NECAB1: variants seen among roughly 807,000 people sequenced by gnomAD.
NECAB1 encodes the protein N-terminal EF-hand calcium-binding protein 1.
A neutral mutation model predicts 57.5 loss-of-function variants in NECAB1; 29 were observed. That is an observed-to-expected ratio of 0.50 (90% CI 0.38 to 0.69). NECAB1 has a LOEUF of 0.69. Among genes scored for constraint, NECAB1 ranks in the 30% least tolerant of loss-of-function variants. The pLI, the probability that NECAB1 is intolerant of heterozygous loss-of-function variation, is 0.00. For synonymous variants in NECAB1, 142 were observed against 147.7 expected, an observed-to-expected ratio of 0.96 and a Z score of 0.28; for missense variants, 372 against 413.8, an observed-to-expected ratio of 0.90 and a Z score of 0.88.
chr8:90,949,927 T>G lies in NECAB1; in HGVS notation c.938+43T>G, dbSNP rs770909500. On this transcript the variant is annotated intron_variant, in intron 11 of 12. Coordinates refer to ENST00000417640, the MANE Select transcript of NECAB1 (RefSeq NM_022351.5). Reference sequence around the variant, plus strand: ...CTGATTTTATGTGAAGCCAGGAAGGTGGCAATATGCATGATGTAATTTTAG... The same window carrying G: ...CTGATTTTATGTGAAGCCAGGAAGGGGGCAATATGCATGATGTAATTTTAG... 21 of 1,189,604 alleles carry G rather than the reference T, an allele frequency of 1.8e-5. No homozygotes were observed. In the South Asian group the frequency reaches 2.3e-4, roughly 13 times the overall value. 73.7% of individuals were successfully genotyped at this position (1,189,604 alleles called of 1,614,324 possible). A position where few individuals can be genotyped will look rare whatever the true frequency, so the allele number is the denominator to read the frequency against.
chr8:90,804,320 G>T (rs984333934), intron 2 of NECAB1, among the ~76,000 whole-genome samples: 1 of 151,412 alleles, frequency 6.6e-6, no homozygotes, highest in Non-Finnish European at 1.5e-5. Context: ...TAAAACAATC[G>T]AACTCATAGA....
intron 6 of NECAB1, among the ~76,000 whole-genome samples, chr8:90,921,266 C>T (rs1030305193): frequency 2.0e-5 from 3 of 152,162 alleles, no homozygotes; most frequent in Non-Finnish European, 2.9e-5. Flanking sequence ...ATCTACCCAC[C>T]TCAGCCTCCA....
chr8:90,907,187 AG>A (rs1368343478), intron 5 of NECAB1, among the ~76,000 whole-genome samples: 61 of 137,140 alleles, frequency 4.4e-4, no homozygotes, highest in African/African-American at 1.8e-3. Flanking sequence ...AGAGAGAGAG[AG>A]AATTAGTAGA....
intron 12 of NECAB1, among the ~76,000 whole-genome samples, chr8:90,954,928 GTAT>G (rs1181717736): frequency 6.8e-6 from 1 of 146,412 alleles, no homozygotes; most frequent in Admixed American, 6.9e-5. Context: ...AAATGCATAT[GTAT>G]TATATGTATA....
At chr8:90,946,437 G>A (rs190785374) in intron 10 of NECAB1, among the ~76,000 whole-genome samples, 37 of 152,276 alleles carry the variant, frequency 2.4e-4, no homozygotes, top group Non-Finnish European at 4.1e-4. Context: ...TGTAAACAAT[G>A]GAGAAATAAA....
chr8:90,813,419 A>G (rs1307531252), intron 2 of NECAB1, among the ~76,000 whole-genome samples: 1 of 152,080 alleles, frequency 6.6e-6, no homozygotes, highest in Non-Finnish European at 1.5e-5. Context: ...TCAATATCTA[A>G]TATGAATAAG....
chr8:90,862,858 A>G (rs1808427259), intron 3 of NECAB1, among the ~76,000 whole-genome samples: 1 of 152,052 alleles, frequency 6.6e-6, no homozygotes, highest in Non-Finnish European at 1.5e-5. Flanking sequence ...ATACCAGAAA[A>G]CTCGCTATGA....
At chr8:90,954,621 G>T (rs1184794562) in intron 12 of NECAB1, among the ~76,000 whole-genome samples, 1 of 151,768 alleles carries the variant, frequency 6.6e-6, no homozygotes, top group African/African-American at 2.4e-5. Context: ...TTTGCCATTG[G>T]TTTGTTTTCA....
chr8:90,878,965 A>G (rs904683752), intron 4 of NECAB1, among the ~76,000 whole-genome samples: 2 of 141,302 alleles, frequency 1.4e-5, no homozygotes, highest in African/African-American at 5.5e-5. Context: ...CTAACTAATC[A>G]CTGTCTCTCT....
At chr8:90,899,128 A>AGACTG (rs1199102719) in intron 5 of NECAB1, among the ~76,000 whole-genome samples, 2 of 152,224 alleles carry the variant, frequency 1.3e-5, no homozygotes, top group African/African-American at 4.8e-5. Context: ...CCGAGGGCAA[A>AGACTG]GACTGCTCAT....
chr8:90,898,000 A>C (rs529734468), intron 5 of NECAB1, among the ~76,000 whole-genome samples: 1 of 152,326 alleles, frequency 6.6e-6, no homozygotes, highest in African/African-American at 2.4e-5. Flanking sequence ...TCATCTCTTT[A>C]TAAGCTTTTT....
intron 2 of NECAB1, among the ~76,000 whole-genome samples, chr8:90,803,844 C>T (rs1811802589): frequency 6.6e-6 from 1 of 152,208 alleles, no homozygotes; most frequent in African/African-American, 2.4e-5. Flanking sequence ...CACCCTCAGT[C>T]AGCTTGAGAA....
chr8:90,951,822 G>A (rs1810929206), intron 12 of NECAB1, among the ~76,000 whole-genome samples: 1 of 151,950 alleles, frequency 6.6e-6, no homozygotes, highest in Non-Finnish European at 1.5e-5. Flanking sequence ...GATAATATGT[G>A]TTTTGTGGAC....
At chr8:90,804,653 A>G (rs1262566805) in intron 2 of NECAB1, among the ~76,000 whole-genome samples, 1 of 152,208 alleles carries the variant, frequency 6.6e-6, no homozygotes, top group African/African-American at 2.4e-5. Flanking sequence ...TCAATTTATG[A>G]TAACAATTAA....
intron 1 of NECAB1, among the ~76,000 whole-genome samples, chr8:90,796,190 T>A (rs1278574957): frequency 6.6e-6 from 1 of 152,188 alleles, no homozygotes; most frequent in Non-Finnish European, 1.5e-5. Context: ...TAAAACTACC[T>A]GCTGGAAGTC....
intron 4 of NECAB1, among the ~76,000 whole-genome samples, chr8:90,879,324 G>GA (rs1196662382): frequency 2.0e-5 from 3 of 150,900 alleles, no homozygotes; most frequent in African/African-American, 7.3e-5. Context: ...AAGTAGCTGG[G>GA]ATCAGAGGCA....
chr8:90,840,635 A>G (rs1398674756), intron 3 of NECAB1, among the ~76,000 whole-genome samples: 1 of 152,212 alleles, frequency 6.6e-6, no homozygotes, highest in African/African-American at 2.4e-5. Flanking sequence ...GTAAAAACGT[A>G]TGAGCAAATT....
intron 5 of NECAB1, among the ~76,000 whole-genome samples, chr8:90,893,752 A>C (rs1277802456): frequency 6.6e-6 from 1 of 152,132 alleles, no homozygotes; most frequent in African/African-American, 2.4e-5. Flanking sequence ...AATGGGCCAG[A>C]TGGAATTTAT....
At chr8:90,843,926 G>C (rs10086609) in intron 3 of NECAB1, among the ~76,000 whole-genome samples, 49,115 of 152,028 alleles carry the variant, frequency 0.32, 9,164 homozygotes, top group East Asian at 0.73. Flanking sequence ...ACTGATGAAT[G>C]CTAGCTTGGA....
Sources: gnomAD v4.1 joint callset for allele counts (sites outside exome capture counted in the v4.1 genomes callset) on GRCh38, gnomAD v4.1.1 for gene constraint, MANE v1.5 for transcripts, NCBI Gene and HGNC (gene_info 2026-07-23, HGNC 2026-07-21) for gene names.